The following UTY variants were observed in gnomAD, a reference collection of about 807,000 sequenced individuals.
UTY encodes the protein histone demethylase UTY.
In UTY, 12 loss-of-function variants were observed where a neutral mutation model predicts 32.5. The observed-to-expected ratio is 0.37, with a 90% CI of 0.24 to 0.60. The LOEUF (loss-of-function observed/expected upper bound fraction) is 0.60. Ranked by LOEUF, UTY falls within the 20% of genes least tolerant of loss-of-function variation. The pLI, the probability that UTY is intolerant of heterozygous loss-of-function variation, is 0.69. For synonymous variants in UTY, 131 were observed against 103.4 expected, an observed-to-expected ratio of 1.27 and a Z score of -1.62; for missense variants, 303 against 299.2, an observed-to-expected ratio of 1.01 and a Z score of -0.09.
chrY:13,355,897 A>G, intron 16 of UTY, 26 bp downstream of exon 16: 1 of 345,740 alleles, frequency 2.9e-6, no homozygotes, highest in Non-Finnish European at 4.1e-6. Flanking sequence ...GGTAAATTTT[A>G]GAGAAAATAA....
chrY:13,438,395 C>T, intron 4 of UTY, among the ~76,000 whole-genome samples: 1 of 33,457 alleles, frequency 3.0e-5, no homozygotes, highest in Non-Finnish European at 7.4e-5. Flanking sequence ...GCTGGACACA[C>T]TGCTTTAAAG....
chrY:13,264,904 T>A, intron 27 of UTY, among the ~76,000 whole-genome samples: 1 of 33,620 alleles, frequency 3.0e-5, no homozygotes, highest in Non-Finnish European at 7.4e-5. Flanking sequence ...TTAATCCATA[T>A]GAGTTAATTT....
chrY:13,305,795 T>C, intron 23 of UTY: 1 of 77,430 alleles, frequency 1.3e-5, no homozygotes, highest in Non-Finnish European at 1.9e-5. Context: ...TAAAGTTGTA[T>C]TAATAGAGAG....
rs767283331 is a variant in UTY at position 13,473,150 on chromosome Y, A to G, written c.217-2921T>C. Among the ~76,000 whole-genome samples the G allele has an allele frequency of 1.0e-3, 32 of 32,083 alleles. No individual in the cohort carries two copies. In the East Asian group the frequency reaches 0.025, roughly 25 times the overall value. 86.1% of individuals were successfully genotyped at this position (32,083 alleles called of 37,273 possible). Reference sequence around the variant, plus strand: ...GTGGGTGGCTGTTATCCCAGCTACTAGGGAGTCTGAGGCAAGAGAATAGGG... The same window carrying G: ...GTGGGTGGCTGTTATCCCAGCTACTGGGGAGTCTGAGGCAAGAGAATAGGG... On this transcript the variant is annotated intron_variant, in intron 2 of 29. Coordinates refer to ENST00000545955, the MANE Select transcript of UTY (RefSeq NM_001258249.2).
intron 8 of UTY, among the ~76,000 whole-genome samples, chrY:13,386,637 A>T: frequency 3.1e-5 from 1 of 32,467 alleles, no homozygotes; most frequent in Non-Finnish European, 7.5e-5. Flanking sequence ...GTTTAGAATT[A>T]GTTTGGTGCT....
chrY:13,346,664 T>C (rs2061920655), intron 17 of UTY, among the ~76,000 whole-genome samples: 1 of 33,384 alleles, frequency 3.0e-5, no homozygotes, highest in South Asian at 6.6e-4. Flanking sequence ...ACAAGGCCTT[T>C]CAGAACCAGG....
chrY:13,266,139 T>C (rs2055762637), intron 27 of UTY, among the ~76,000 whole-genome samples: 1 of 33,113 alleles, frequency 3.0e-5, no homozygotes, highest in Non-Finnish European at 7.5e-5. Flanking sequence ...ATTTGTCTGG[T>C]GCTGAGTTTT....
intron 17 of UTY, among the ~76,000 whole-genome samples, chrY:13,350,543 TA>T (rs2149174677): frequency 3.0e-5 from 1 of 33,450 alleles, no homozygotes; most frequent in Non-Finnish European, 7.4e-5. Flanking sequence ...TATCTGTATA[TA>T]AAACCTTAAT....
At chrY:13,460,935 C>T (rs2077295946) in intron 3 of UTY, among the ~76,000 whole-genome samples, 1 of 32,624 alleles carries the variant, frequency 3.1e-5, no homozygotes, top group Non-Finnish European at 7.5e-5. Context: ...TATTTCAAAA[C>T]GAGATGTTGT....
At chrY:13,326,672 C>A in intron 18 of UTY, among the ~76,000 whole-genome samples, 1 of 33,939 alleles carries the variant, frequency 2.9e-5, no homozygotes, top group East Asian at 7.6e-4. Context: ...AAATTTCTCT[C>A]CAACATGTGC....
intron 25 of UTY, among the ~76,000 whole-genome samples, chrY:13,299,566 T>G: frequency 3.2e-5 from 1 of 31,475 alleles, no homozygotes; most frequent in African/African-American, 1.3e-4. Flanking sequence ...GATTGCACCA[T>G]TGCACTCCTG....
At chrY:13,349,968 G>A (rs966712071) in intron 17 of UTY, among the ~76,000 whole-genome samples, 16 of 33,307 alleles carry the variant, frequency 4.8e-4, no homozygotes, top group Non-Finnish European at 1.0e-3. Flanking sequence ...GAGGGGATAA[G>A]ATCATAAGGT....
At chrY:13,255,191 T>C (rs2054604040) in intron 28 of UTY, among the ~76,000 whole-genome samples, 2 of 33,332 alleles carry the variant, frequency 6.0e-5, no homozygotes, top group South Asian at 6.7e-4. Flanking sequence ...TCTGTACCTA[T>C]ATATTTATGG....
intron 8 of UTY, among the ~76,000 whole-genome samples, chrY:13,392,693 C>T (rs2067705167): frequency 3.0e-5 from 1 of 33,425 alleles, no homozygotes. Flanking sequence ...TACTACATCT[C>T]ATAGTAATAT....
intron 3 of UTY, among the ~76,000 whole-genome samples, chrY:13,452,424 A>AG (rs2076401126): frequency 3.0e-5 from 1 of 33,391 alleles, no homozygotes; most frequent in Non-Finnish European, 7.4e-5. Context: ...ATCAAAAAAA[A>AG]GAAGTATACC....
At chrY:13,270,731 A>G (rs2056246456) in intron 27 of UTY, among the ~76,000 whole-genome samples, 4 of 33,740 alleles carry the variant, frequency 1.2e-4, no homozygotes, top group African/African-American at 2.3e-4. Flanking sequence ...CAGTTTCACT[A>G]AACATTTGAT....
At chrY:13,259,816 T>G in intron 28 of UTY, among the ~76,000 whole-genome samples, 1 of 34,162 alleles carries the variant, frequency 2.9e-5, no homozygotes, top group Non-Finnish European at 7.3e-5. Flanking sequence ...GTTTATAGTT[T>G]GCCTCTGCAA....
At chrY:13,284,890 C>CTACCG (rs2057247368) in intron 27 of UTY, among the ~76,000 whole-genome samples, 1 of 34,340 alleles carries the variant, frequency 2.9e-5, no homozygotes, top group Non-Finnish European at 7.3e-5. Context: ...GGCCAGAGGC[C>CTACCG]CTGATTGTCC....
chrY:13,438,111 G>A (rs1036619095), intron 4 of UTY, among the ~76,000 whole-genome samples: 1 of 32,718 alleles, frequency 3.1e-5, no homozygotes, highest in African/African-American at 1.2e-4. Flanking sequence ...GGGTTCTGCC[G>A]CATTTGGATC....
Sources: allele counts gnomAD v4.1 joint callset (sites outside exome capture counted in the v4.1 genomes callset), GRCh38; gene constraint gnomAD v4.1.1; transcripts MANE v1.5; gene names NCBI Gene and HGNC (gene_info 2026-07-23, HGNC 2026-07-21).